RYR1: variants seen among roughly 807,000 people sequenced by gnomAD.
RYR1 encodes the protein ryanodine receptor 1.
RYR1 carries 342 observed loss-of-function variants against 583.5 expected under a neutral mutation model. That is an observed-to-expected ratio of 0.59 (90% CI 0.54 to 0.64). RYR1 has a LOEUF of 0.64. Among genes scored for constraint, RYR1 ranks in the 30% least tolerant of loss-of-function variants. The pLI is 0.00. For missense variants in RYR1, 6,032 were observed against 6,917.2 expected, an observed-to-expected ratio of 0.87 and a Z score of 4.54; for synonymous variants, 2,791 against 2,822.5, an observed-to-expected ratio of 0.99 and a Z score of 0.35.
chr19:38,559,475 C>T (rs868550742), intron 89 of RYR1, among the ~76,000 whole-genome samples: 38 of 151,926 alleles, frequency 2.5e-4, no homozygotes, highest in African/African-American at 7.5e-4. Flanking sequence ...CTCAGGTGAT[C>T]CACCCGCCTC....
intron 47 of RYR1, 142 bp downstream of exon 47, chr19:38,501,132 GA>G (rs1429863951): frequency 8.6e-6 from 7 of 809,732 alleles, no homozygotes; most frequent in Non-Finnish European, 1.4e-5. Context: ...CATCAAGATA[GA>G]AAATGAAAAC....
chr19:38,452,675 A>C, intron 12 of RYR1, 144 bp from the exon 13 acceptor site: 2 of 752,524 alleles, frequency 2.7e-6, no homozygotes, highest in Non-Finnish European at 4.3e-6. Flanking sequence ...GACCTCGGAC[A>C]AATGCTTTTC....
At chr19:38,480,888 C>T (rs377563282) in intron 31 of RYR1, among the ~76,000 whole-genome samples, 1 of 151,870 alleles carries the variant, frequency 6.6e-6, no homozygotes, top group Non-Finnish European at 1.5e-5. Context: ...CCACCACACC[C>T]AGCTAATTTT....
intron 16 of RYR1, among the ~76,000 whole-genome samples, chr19:38,455,967 GTTT>G (rs201725585): frequency 1.8e-5 from 2 of 108,476 alleles, no homozygotes; most frequent in Non-Finnish European, 1.8e-5. Flanking sequence ...TCTCTGAAAT[GTTT>G]TTTTTTTTTT....
chr19:38,502,750 G>GGGGGGC, intron 48 of RYR1, 23 bp downstream of exon 48: 1 of 1,236,570 alleles, frequency 8.1e-7, no homozygotes, highest in Non-Finnish European at 1.1e-6. Flanking sequence ...AGGCTTCAGG[G>GGGGGGC]TGGGGCAGGG....
At chr19:38,515,673 G>C (rs1970935071) in intron 64 of RYR1, among the ~76,000 whole-genome samples, 1 of 152,130 alleles carries the variant, frequency 6.6e-6, no homozygotes, top group Admixed American at 6.6e-5. Flanking sequence ...GTGTGGTGTA[G>C]TGGCGCTGGT....
intron 38 of RYR1, among the ~76,000 whole-genome samples, chr19:38,493,107 G>A (rs1969632532): frequency 6.6e-6 from 1 of 151,916 alleles, no homozygotes; most frequent in Non-Finnish European, 1.5e-5. Flanking sequence ...CTGGAGGTTT[G>A]CCTCCAGAGA....
chr19:38,455,205 T>C (rs772353629), intron 13 of RYR1, 30 bp from the exon 14 acceptor site: 3 of 1,613,462 alleles, frequency 1.9e-6, no homozygotes, highest in South Asian at 2.2e-5. Context: ...GGGTCTCCTA[T>C]TGTGATGCCT....
chr19:38,502,446 C>T, intron 47 of RYR1, 61 bp from the exon 48 acceptor site: 1 of 1,486,484 alleles, frequency 6.7e-7, no homozygotes, highest in South Asian at 1.2e-5. Context: ...TCGCTCAAGA[C>T]AGGTGCCAGA....
intron 42 of RYR1, among the ~76,000 whole-genome samples, chr19:38,498,346 G>C (rs1200928044): frequency 1.3e-5 from 2 of 152,084 alleles, no homozygotes; most frequent in Non-Finnish European, 2.9e-5. Flanking sequence ...ACAGATTGAG[G>C]GGAAGGCAGA....
Position 38,494,367 on chromosome 19 carries a change from T to G in RYR1, c.6290T>G (p.Leu2097Arg). ...TCCTTCCCAGGGTCCCTGCAGGAGC[T>G]GGTGTCCCACATGGTGGTGCGCTGG... ...EESKPRSLQE[L>R]VSHMVVRWAQ... is the part of the protein sequence containing the mutation. Residue 2097 changes from leucine to arginine, a missense_variant, in exon 39 of 106, where the codon CTG becomes CGG. Transcript: ENST00000359596. 2 of 1,611,560 alleles carry G rather than the reference T, an allele frequency of 1.2e-6. No homozygotes were observed. The highest frequency in any genetic ancestry group is 1.7e-6 in the Non-Finnish European group (2 of 1,179,936).
Position 38,517,283 on chromosome 19 carries a change from T to G in RYR1, c.9686-76T>G, listed in dbSNP as rs1971013014. ...GGTGGCAATTCAATGGTGTCTGATGTATTGCGGGGGAGGCCAGGGCACTGA... is the reference window on the plus strand; with the variant it reads ...GGTGGCAATTCAATGGTGTCTGATGGATTGCGGGGGAGGCCAGGGCACTGA... On this transcript the variant is annotated intron_variant, in intron 65 of 105. Transcript: ENST00000359596. 4.2e-6 allele frequency: 6 copies of G among 1,416,894 alleles called. No homozygotes were observed. The African/African-American group carries it at 7.2e-5, about 17-fold the overall frequency. 87.8% of individuals were successfully genotyped at this position (1,416,894 alleles called of 1,614,324 possible).
chr19:38,504,671 AGT>A, intron 50 of RYR1, 75 bp from the exon 51 acceptor site: 1 of 1,573,158 alleles, frequency 6.4e-7, no homozygotes, highest in South Asian at 1.1e-5. Flanking sequence ...TGATGATTGC[AGT>A]GTGTGAGTTT....
chr19:38,555,308 C>T (rs1972832472), intron 89 of RYR1, among the ~76,000 whole-genome samples: 1 of 151,766 alleles, frequency 6.6e-6, no homozygotes, highest in Non-Finnish European at 1.5e-5. Flanking sequence ...AAAAATTAGC[C>T]GAGTGTGGTG....
At position 38,466,394 on chromosome 19, in the gene RYR1, G is replaced by A. The variant is rs1448959462; in HGVS notation, c.3174G>A (p.Glu1058=). ...YGYNIEPPDQ[E]PSQVENQSRC... ...ACAACATCGAGCCTCCTGACCAGGA[G>A]CCCAGTGAGTGCTCACCCCTGGCCC... The change falls in exon 24 of 106, where the codon GAG becomes GAA. Residue 1058 remains glutamate (E), a synonymous_variant. Transcript: ENST00000359596. 6.5e-7 allele frequency: 1 copy of A among 1,545,766 alleles called. No individual in the cohort carries two copies. The highest frequency in any genetic ancestry group is 1.4e-5 in the African/African-American group (1 of 72,984).
chr19:38,506,805 G>A, intron 56 of RYR1, 24 bp from the exon 57 acceptor site: 1 of 1,614,004 alleles, frequency 6.2e-7, no homozygotes, highest in East Asian at 2.2e-5. Flanking sequence ...CCAGAGCCCT[G>A]ATTTCTGGTC....
intron 93 of RYR1, among the ~76,000 whole-genome samples, chr19:38,568,177 C>T (rs1973535324): frequency 6.6e-6 from 1 of 152,204 alleles, no homozygotes; most frequent in South Asian, 2.1e-4. Flanking sequence ...CGGGGCCACC[C>T]ACCCACACTT....
chr19:38,568,906 A>G (rs888859270), intron 93 of RYR1, among the ~76,000 whole-genome samples: 2 of 152,246 alleles, frequency 1.3e-5, no homozygotes, highest in African/African-American at 2.4e-5. Flanking sequence ...GAGGGGGCTC[A>G]TGCCTGTAAG....
intron 71 of RYR1, among the ~76,000 whole-genome samples, chr19:38,525,809 G>A (rs1971444041): frequency 6.6e-6 from 1 of 151,250 alleles, no homozygotes. Context: ...CCCCCCACCG[G>A]ACCATGCCAA....
Sources: allele counts gnomAD v4.1 joint callset (sites outside exome capture counted in the v4.1 genomes callset), GRCh38; gene constraint gnomAD v4.1.1; transcripts MANE v1.5; gene names NCBI Gene and HGNC (gene_info 2026-07-23, HGNC 2026-07-21).